PLCB2: variants seen among roughly 807,000 people sequenced by gnomAD.
PLCB2 encodes the protein phospholipase C beta 2, also known as 1-phosphatidylinositol 4,5-bisphosphate phosphodiesterase beta-2.
Under a neutral mutation model 141.7 loss-of-function variants are expected in PLCB2, and 115 were observed. That is an observed-to-expected ratio of 0.81 (90% CI 0.70 to 0.95). The LOEUF (loss-of-function observed/expected upper bound fraction) is 0.95, where lower values mean the gene tolerates loss of function less well. Among genes scored for constraint, PLCB2 ranks in the 40% least tolerant of loss-of-function variants. The pLI is 0.00. For synonymous variants in PLCB2, 603 were observed against 595.6 expected (o/e 1.01, Z -0.18); for missense variants, 1,403 against 1,541.1 (o/e 0.91, Z 1.50).
chr15:40,300,286 G>C (rs529625706), intron 7 of PLCB2, among the ~76,000 whole-genome samples: 5 of 152,306 alleles, frequency 3.3e-5, no homozygotes, highest in Admixed American at 2.0e-4. Context: ...CTGCACTCCA[G>C]CCCGGGCAAC....
Position 40,299,559 on chromosome 15 carries a change from A to T in PLCB2, c.583-331T>A, listed in dbSNP as rs1156653067. Among the ~76,000 whole-genome samples the T allele has an allele frequency of 2.0e-5, 3 of 152,224 alleles. 1 individual carries two copies. Among genetic ancestry groups the T allele is most frequent in the Admixed American group, 2.0e-4 (3 of 15,286 alleles). On this transcript the variant is annotated intron_variant, in intron 7 of 31. Coordinates refer to ENST00000260402, the MANE Select transcript of PLCB2 (RefSeq NM_004573.3). Reference sequence around the variant, plus strand: ...CTAGTAGGCTATCTTTTTTAAGTGGAGGACAAATATTCAAAAAGAAGCAAT... The same window carrying T: ...CTAGTAGGCTATCTTTTTTAAGTGGTGGACAAATATTCAAAAAGAAGCAAT...
At chr15:40,294,214 C>T in intron 19 of PLCB2, 52 bp downstream of exon 19, 1 of 1,589,328 alleles carries the variant, frequency 6.3e-7, no homozygotes, top group Non-Finnish European at 8.6e-7. Flanking sequence ...CTCCTGTGCC[C>T]TTCTACTCAA....
chr15:40,299,713 ATAAAT>A (rs1157051951), intron 7 of PLCB2, among the ~76,000 whole-genome samples: 3 of 152,380 alleles, frequency 2.0e-5, no homozygotes, highest in Non-Finnish European at 2.9e-5. Flanking sequence ...ACAAAGAAAG[ATAAAT>A]TAAACGTCAT....
chr15:40,286,207 C>A (rs1011830466), downstream of PLCB2: 2 of 186,064 alleles, frequency 1.1e-5, no homozygotes, highest in Non-Finnish European at 2.0e-5. Context: ...CCCAGGCAGG[C>A]AGGGGGCAGG....
intron 15 of PLCB2, 31 bp downstream of exon 15, chr15:40,296,491 C>T: frequency 6.2e-7 from 1 of 1,613,766 alleles, no homozygotes; most frequent in Non-Finnish European, 8.5e-7. Context: ...TGGAGGATGA[C>T]ACAGAGGGGC....
intron 17 of PLCB2, 50 bp downstream of exon 17, chr15:40,295,151 T>C: frequency 6.2e-7 from 1 of 1,609,914 alleles, no homozygotes; most frequent in Non-Finnish European, 8.5e-7. Flanking sequence ...GGCCCTCCTC[T>C]GGCTCCCCAC....
intron 29 of PLCB2, among the ~76,000 whole-genome samples, chr15:40,290,298 G>T (rs936211): frequency 0.27 from 41,478 of 151,986 alleles, 6,319 homozygotes; most frequent in East Asian, 0.66. Context: ...CTGTCCTTCC[G>T]TGGGAAACAG....
intron 16 of PLCB2, among the ~76,000 whole-genome samples, chr15:40,295,490 T>C (rs1465736355): frequency 6.6e-6 from 1 of 151,242 alleles, no homozygotes; most frequent in East Asian, 1.9e-4. Flanking sequence ...TCTCAGTGTG[T>C]ATGCACAGGG....
chr15:40,288,676 C>A lies in PLCB2; in HGVS notation c.*39G>T. The A allele has an allele frequency of 6.5e-7, 1 of 1,528,386 alleles. No homozygotes were observed. Among genetic ancestry groups the A allele is most frequent in the South Asian group, 1.3e-5 (1 of 79,376 alleles). The allele number at this position is 1,528,386 out of a possible 1,614,324, so 94.7% of individuals were successfully genotyped here. A position where few individuals can be genotyped will look rare whatever the true frequency, so the allele number is the denominator to read the frequency against. ...ATAGAACCACATCCCAGAGAAGGGG[C>A]TGAACCTCCTTGCTAAATGTCCCAG... On this transcript the variant is annotated 3_prime_UTR_variant, in exon 32 of 32. Transcript: ENST00000260402.
chr15:40,285,198 C>T (rs1330205335), downstream of PLCB2, among the ~76,000 whole-genome samples: 1 of 152,212 alleles, frequency 6.6e-6, no homozygotes, highest in Non-Finnish European at 1.5e-5. Context: ...ACGTGAGGAG[C>T]GTGTGATGTG....
rs377604639 is a variant in PLCB2, at chr15:40,302,216, G to T, written c.453-27C>A. 1.9e-6 allele frequency: 3 copies of T among 1,613,736 alleles called. No homozygotes were observed. In the African/African-American group the frequency reaches 4.0e-5, roughly 22 times the overall value. On this transcript the variant is annotated intron_variant, in intron 5 of 31. Coordinates refer to ENST00000260402, the MANE Select transcript of PLCB2 (RefSeq NM_004573.3). ...TGGGGGCAGAAAGCAGCCCGTCAAG[G>T]CCCAGGGCTGGCATGCTCAGCACCA...
In PLCB2 at chr15:40,290,583, T is replaced by C. The variant is rs2039836807; in HGVS notation, c.3203A>G (p.Gln1068Arg). 6.2e-7 allele frequency: 1 copy of C among 1,613,510 alleles called. No individual in the cohort carries two copies. Among genetic ancestry groups the C allele is most frequent in the Non-Finnish European group, 8.5e-7 (1 of 1,179,394 alleles). ...MTKVTTDKMA[Q>R]ERLKREINNS... is the part of the protein sequence containing the mutation. ...CCTCCCCTCCAGGGCTCACCTCTCC[T>C]GGGCCATCTTGTCTGTGGTGACTTT... is the stretch of plus-strand genomic sequence containing the variant. Residue 1068 changes from glutamine to arginine, a missense_variant, in exon 29 of 32, where the codon CAG (glutamine) becomes CGG (arginine). By Grantham distance (43) the Gln-to-Arg change is conservative. Transcript: ENST00000260402.
At chr15:40,285,733 G>A (rs544423779), downstream of PLCB2, 2 of 985,396 alleles carry the variant, frequency 2.0e-6, no homozygotes, top group Non-Finnish European at 2.4e-6. Context: ...CTATTTCCAA[G>A]GTCAGAGGAG....
At chr15:40,284,836 CAAAAAAAAAA>C (rs56397946), downstream of PLCB2, among the ~76,000 whole-genome samples, 25,888 of 74,956 alleles carry the variant, frequency 0.35, 3,688 homozygotes, top group Admixed American at 0.42. Flanking sequence ...GAGACTCCGT[CAAAAAAAAAA>C]AAAAAAAAAA....
downstream of PLCB2, chr15:40,285,753 C>G (rs1275551559): frequency 1.0e-6 from 1 of 985,330 alleles, no homozygotes; most frequent in Non-Finnish European, 1.2e-6. Flanking sequence ...GGGTGTACCC[C>G]TGGAACCTGT....
intron 2 of PLCB2, 181 bp downstream of exon 2, chr15:40,303,820 G>C: frequency 3.5e-6 from 2 of 570,816 alleles, no homozygotes; most frequent in South Asian, 4.4e-5. Context: ...ACAGGTTGGA[G>C]TGACTGCATC....
chr15:40,301,394 C>A, intron 7 of PLCB2: 1 of 603,520 alleles, frequency 1.7e-6, no homozygotes, highest in South Asian at 2.0e-5. Flanking sequence ...GTAATTCACA[C>A]AAGTTGCTTC....
intron 5 of PLCB2, 27 bp downstream of exon 5, chr15:40,302,230 TGCTCAGCACCAGG>T (rs1489435766): frequency 6.2e-7 from 1 of 1,613,940 alleles, no homozygotes; most frequent in Non-Finnish European, 8.5e-7. Flanking sequence ...AGGGCTGGCA[TGCTCAGCACCAGG>T]GCTCAGGCCA....
Position 40,288,194 on chromosome 15 carries a change from A to G in PLCB2, c.*521T>C, listed in dbSNP as rs2039657948. On this transcript the variant is annotated 3_prime_UTR_variant, in exon 32 of 32. Coordinates refer to ENST00000260402, the MANE Select transcript of PLCB2 (RefSeq NM_004573.3). Reference sequence around the variant, plus strand: ...AGAGGGGAGGGGAGGGCCCTCAGCCAGGGAGTGGCCGTCCCCAGGGAGCTG... The same window carrying G: ...AGAGGGGAGGGGAGGGCCCTCAGCCGGGGAGTGGCCGTCCCCAGGGAGCTG... 2.0e-6 allele frequency: 2 copies of G among 985,600 alleles called. No individual in the cohort carries two copies. Among genetic ancestry groups the G allele is most frequent in the African/African-American group, 1.7e-5 (1 of 57,248 alleles). The allele number at this position is 985,600 out of a possible 1,614,324, so 61.1% of individuals were successfully genotyped here.
Sources: gnomAD v4.1 joint callset for allele counts (sites outside exome capture counted in the v4.1 genomes callset) on GRCh38, gnomAD v4.1.1 for gene constraint, MANE v1.5 for transcripts, NCBI Gene and HGNC (gene_info 2026-07-23, HGNC 2026-07-21) for gene names.